SAMD3: variants seen among roughly 807,000 people sequenced by gnomAD.
SAMD3 encodes sterile alpha motif domain-containing protein 3.
SAMD3 carries 63 observed loss-of-function variants against 58.5 expected under a neutral mutation model. That is an observed-to-expected ratio of 1.08 (90% CI 0.88 to 1.33). The LOEUF is 1.33. SAMD3 is among the 40% of genes most tolerant of loss of function. The pLI, the probability that SAMD3 is intolerant of heterozygous loss-of-function variation, is 0.00. For missense variants in SAMD3, 604 were observed against 608.4 expected (o/e 0.99, Z 0.08); for synonymous variants, 220 against 210.3 (o/e 1.05, Z -0.40).
At position 130,214,424 on chromosome 6, in the gene SAMD3, T is replaced by G; in HGVS notation, c.182A>C (p.Lys61Thr). The G allele has an allele frequency of 1.9e-6, 3 of 1,613,474 alleles. No homozygotes were observed. Among genetic ancestry groups the G allele is most frequent in the Non-Finnish European group, 2.5e-6 (3 of 1,179,698 alleles). ...TCCTTGAGTGTTCTGCTTGTATTTT[T>G]TAATTAAATCCATCAGAACAGCCTG... ...GHQAVLMDLI[K>T]KYKQNTQGLK... Residue 61 changes from lysine (K) to threonine (T), a missense_variant, in exon 4 of 12, where the codon AAA (lysine) becomes ACA (threonine). Coordinates refer to ENST00000439090, the MANE Select transcript of SAMD3 (RefSeq NM_001017373.4).
At chr6:130,285,614 T>G (rs1250932215) in intron 2 of SAMD3, among the ~76,000 whole-genome samples, 1 of 152,230 alleles carries the variant, frequency 6.6e-6, no homozygotes, top group Non-Finnish European at 1.5e-5. Context: ...TAGAGCCAAC[T>G]AATCCAGAAA....
chr6:130,143,364 G>T (rs1018894530), downstream of SAMD3, among the ~76,000 whole-genome samples: 4 of 152,132 alleles, frequency 2.6e-5, no homozygotes. Context: ...TCCTGCCTCA[G>T]CCTCCCAAGT....
intron 2 of SAMD3, among the ~76,000 whole-genome samples, chr6:130,302,499 C>A (rs925903686): frequency 6.6e-6 from 1 of 152,140 alleles, no homozygotes; most frequent in Non-Finnish European, 1.5e-5. Flanking sequence ...GTAGTTCAAC[C>A]CTTATGGAAA....
At chr6:130,190,530 A>G (rs1793444438) in intron 5 of SAMD3, among the ~76,000 whole-genome samples, 1 of 152,228 alleles carries the variant, frequency 6.6e-6, no homozygotes, top group Admixed American at 6.5e-5. Context: ...GAAATTTAGA[A>G]GAAAAAAATA....
At chr6:130,246,754 T>C (rs9483096) in intron 2 of SAMD3, among the ~76,000 whole-genome samples, 38,308 of 151,788 alleles carry the variant, frequency 0.25, 6,496 homozygotes, top group African/African-American at 0.48. Context: ...CCGGGCATGA[T>C]GGTGGGTGCC....
intron 2 of SAMD3, among the ~76,000 whole-genome samples, chr6:130,269,602 CTT>C (rs1486620748): frequency 6.6e-6 from 1 of 151,856 alleles, no homozygotes; most frequent in African/African-American, 2.4e-5. Context: ...TGTCTTCTCT[CTT>C]TTTCTTTTTG....
chr6:130,212,422 C>G (rs1209058346), intron 4 of SAMD3, among the ~76,000 whole-genome samples: 2 of 152,126 alleles, frequency 1.3e-5, no homozygotes, highest in African/African-American at 4.8e-5. Flanking sequence ...AAGAGTGGTC[C>G]CAGTCTTGGC....
chr6:130,212,038 T>G (rs1411555236), intron 4 of SAMD3, among the ~76,000 whole-genome samples: 1 of 151,604 alleles, frequency 6.6e-6, no homozygotes, highest in African/African-American at 2.4e-5. Context: ...GTTGAGGGGC[T>G]AATATCATAA....
At chr6:130,269,351 C>T (rs957126497) in intron 2 of SAMD3, among the ~76,000 whole-genome samples, 11 of 152,034 alleles carry the variant, frequency 7.2e-5, no homozygotes, top group Admixed American at 2.6e-4. Context: ...GCTGGATATT[C>T]TTTTTTAGAG....
intron 1 of SAMD3, chr6:130,221,533 T>C (rs1229916804): frequency 2.0e-5 from 3 of 152,234 alleles, no homozygotes; most frequent in African/African-American, 7.2e-5. Context: ...ATATTTTGTA[T>C]GTTATATATA....
chr6:130,218,321 T>A (rs1397528585), intron 1 of SAMD3, among the ~76,000 whole-genome samples: 1 of 152,200 alleles, frequency 6.6e-6, no homozygotes, highest in Non-Finnish European at 1.5e-5. Flanking sequence ...CCGTGTGAAC[T>A]TCCGTGGCTC....
upstream of SAMD3, among the ~76,000 whole-genome samples, chr6:130,226,806 C>G (rs532499129): frequency 6.6e-6 from 1 of 151,490 alleles, no homozygotes; most frequent in Non-Finnish European, 1.5e-5. Context: ...CCAGCCTGGG[C>G]GATAAGAGCG....
intron 2 of SAMD3, among the ~76,000 whole-genome samples, chr6:130,247,605 C>T (rs1287314238): frequency 6.6e-6 from 1 of 152,020 alleles, no homozygotes; most frequent in Non-Finnish European, 1.5e-5. Context: ...AAAAACACAA[C>T]CATGGGACCA....
chr6:130,351,728 A>G (rs1777674039), intron 1 of SAMD3, among the ~76,000 whole-genome samples: 1 of 152,222 alleles, frequency 6.6e-6, no homozygotes, highest in African/African-American at 2.4e-5. Flanking sequence ...TACCCAAAGG[A>G]TTATAAAACA....
chr6:130,199,544 T>C (rs944107290), intron 5 of SAMD3, among the ~76,000 whole-genome samples: 31 of 152,226 alleles, frequency 2.0e-4, no homozygotes, highest in African/African-American at 7.5e-4. Flanking sequence ...GAACAAACTT[T>C]ACCAAACTAC....
intron 1 of SAMD3, among the ~76,000 whole-genome samples, chr6:130,321,951 C>T (rs1028361540): frequency 6.6e-6 from 1 of 152,066 alleles, no homozygotes; most frequent in African/African-American, 2.4e-5. Context: ...TCCCTTTTTC[C>T]CTAGGATCAG....
chr6:130,193,596 T>G (rs1793778174), intron 5 of SAMD3, among the ~76,000 whole-genome samples: 1 of 152,082 alleles, frequency 6.6e-6, no homozygotes, highest in Non-Finnish European at 1.5e-5. Context: ...TATGGGCAAC[T>G]TTCCACCCTC....
At chr6:130,233,696 C>A (rs1413280585) in intron 2 of SAMD3, among the ~76,000 whole-genome samples, 1 of 152,138 alleles carries the variant, frequency 6.6e-6, no homozygotes, top group Non-Finnish European at 1.5e-5. Flanking sequence ...AATAGAACCA[C>A]TTGAATTCTA....
At chr6:130,296,579 T>C (rs1212131853) in intron 2 of SAMD3, among the ~76,000 whole-genome samples, 1 of 152,178 alleles carries the variant, frequency 6.6e-6, no homozygotes, top group Non-Finnish European at 1.5e-5. Flanking sequence ...TTGGAGAAAG[T>C]GTTTTTCATA....
Sources: allele counts gnomAD v4.1 joint callset (sites outside exome capture counted in the v4.1 genomes callset), GRCh38; gene constraint gnomAD v4.1.1; transcripts MANE v1.5; gene names NCBI Gene and HGNC (gene_info 2026-07-23, HGNC 2026-07-21).